CNNM2: variants seen among roughly 807,000 people sequenced by gnomAD.
CNNM2 encodes metal transporter CNNM2.
A neutral mutation model predicts 66.9 loss-of-function variants in CNNM2; 12 were observed. The ratio of observed to expected loss-of-function variants is 0.18; its 90% CI spans 0.11 to 0.29. The LOEUF (loss-of-function observed/expected upper bound fraction) is 0.29. Among genes scored for constraint, CNNM2 ranks in the 10% least tolerant of loss-of-function variants. CNNM2 has a pLI of 1.00. For synonymous variants in CNNM2, 557 were observed against 501.8 expected (o/e 1.11, Z -1.47); for missense variants, 705 against 1,167.7 (o/e 0.60, Z 5.77).
chr10:103,089,568 A>G lies in CNNM2; in HGVS notation c.*12388A>G. 18 of 1,426,592 alleles carry G rather than the reference A, an allele frequency of 1.3e-5. No homozygotes were observed. Among genetic ancestry groups the G allele is most frequent in the Non-Finnish European group, 1.7e-5 (18 of 1,088,296 alleles). 88.4% of individuals were successfully genotyped at this position (1,426,592 alleles called of 1,614,324 possible). On this transcript the variant is annotated 3_prime_UTR_variant, in exon 8 of 8. Coordinates refer to ENST00000369878, the MANE Select transcript of CNNM2 (RefSeq NM_017649.5). ...AACTTTTCAGACGTACCTTTCATGG[A>G]GCCCCCTCCCTCCCCCGAGTAGAAC...
intron 1 of CNNM2, among the ~76,000 whole-genome samples, chr10:102,971,233 A>G (rs2063542204): frequency 6.8e-6 from 1 of 146,540 alleles, no homozygotes; most frequent in Admixed American, 6.8e-5. Context: ...ATGGTGACTT[A>G]GAGACCTCGT....
In CNNM2 at chr10:102,919,101, C is replaced by T. The variant is rs767302259; in HGVS notation, c.621C>T (p.Ser207=). 58 of 1,611,204 alleles carry T rather than the reference C, an allele frequency of 3.6e-5. No individual in the cohort carries two copies. In the Middle Eastern group the frequency reaches 2.5e-3, roughly 69 times the overall value. The change falls in exon 1 of 8, where the codon TCC becomes TCT. Residue 207 remains serine, a synonymous_variant. Coordinates refer to ENST00000369878, the MANE Select transcript of CNNM2 (RefSeq NM_017649.5). The part of the protein sequence containing the change: ...TPALGAGGSG[S]TGGAVGGKGG... The stretch of plus-strand genomic sequence containing the variant: ...CCCTGGGCGCCGGCGGCTCGGGGTC[C>T]ACGGGTGGCGCCGTCGGGGGCAAGG...
chr10:103,007,775 T>C (rs1262181130), intron 1 of CNNM2, among the ~76,000 whole-genome samples: 1 of 152,172 alleles, frequency 6.6e-6, no homozygotes, highest in Non-Finnish European at 1.5e-5. Context: ...TGTTTTACAA[T>C]CAGTTTGTAC....
intron 1 of CNNM2, among the ~76,000 whole-genome samples, chr10:102,991,311 T>C (rs772482816): frequency 9.2e-5 from 14 of 152,176 alleles, no homozygotes; most frequent in Non-Finnish European, 1.8e-4. Flanking sequence ...TTTGAAATGG[T>C]GTGCCCCTTC....
At chr10:102,935,021 T>C (rs1303001986) in intron 1 of CNNM2, among the ~76,000 whole-genome samples, 1 of 151,732 alleles carries the variant, frequency 6.6e-6, no homozygotes, top group East Asian at 1.9e-4. Flanking sequence ...TAGCTGGGCA[T>C]GGTGGCGGGC....
intron 1 of CNNM2, among the ~76,000 whole-genome samples, chr10:103,014,906 AT>A (rs1324985601): frequency 4.0e-5 from 6 of 151,562 alleles, no homozygotes; most frequent in African/African-American, 1.5e-4. Context: ...AAAAAAAAAA[AT>A]TATAAACTTG....
intron 1 of CNNM2, among the ~76,000 whole-genome samples, chr10:103,019,013 A>G (rs1318559546): frequency 6.7e-6 from 1 of 149,872 alleles, no homozygotes; most frequent in Non-Finnish European, 1.5e-5. Flanking sequence ...CACGCCTGTA[A>G]TCCCAGCACT....
intron 1 of CNNM2, among the ~76,000 whole-genome samples, chr10:102,956,396 G>A (rs934453135): frequency 1.3e-5 from 2 of 151,626 alleles, no homozygotes; most frequent in African/African-American, 4.8e-5. Flanking sequence ...TTCAACTATT[G>A]TGGAAGACAG....
chr10:102,997,240 C>T (rs2064020173), intron 1 of CNNM2, among the ~76,000 whole-genome samples: 1 of 152,164 alleles, frequency 6.6e-6, no homozygotes, highest in South Asian at 2.1e-4. Context: ...TGCAAGCATC[C>T]AGTCTTAATA....
rs544909945 is a variant in CNNM2, at chr10:102,928,413, T to C, written c.1621+8312T>C. ...CTGGCCAACATGATGAAACCCTGTC[T>C]CTACTAAAAACACAAAAAATTAGCC... is the stretch of plus-strand genomic sequence containing the variant. On this transcript the variant is annotated intron_variant, in intron 1 of 7. Coordinates refer to ENST00000369878, the MANE Select transcript of CNNM2 (RefSeq NM_017649.5). 8.2e-4 allele frequency among the ~76,000 whole-genome samples: 125 copies of C among 151,920 alleles called. 3 individuals are homozygous for C. The highest frequency in any genetic ancestry group is 1.6e-3 in the Non-Finnish European group (110 of 67,934).
At chr10:102,995,034 G>T (rs2063964291) in intron 1 of CNNM2, among the ~76,000 whole-genome samples, 1 of 151,748 alleles carries the variant, frequency 6.6e-6, no homozygotes. Flanking sequence ...TATATTATGG[G>T]TGTAGATCTC....
At chr10:103,022,152 G>A (rs941473011) in intron 1 of CNNM2, among the ~76,000 whole-genome samples, 1 of 152,196 alleles carries the variant, frequency 6.6e-6, no homozygotes, top group Non-Finnish European at 1.5e-5. Context: ...CGTCAGCTGG[G>A]CGTGCTGATT....
rs77827514 is a variant in CNNM2, at chr10:103,062,252, C to T, written c.2073+5288C>T. On this transcript the variant is annotated intron_variant, in intron 4 of 7. Transcript: ENST00000369878. ...TTCAAAAGGGACTTTTCCCTATAAA[C>T]GGGGGTCGTCTTGTGGAGTATGGCA... Among the ~76,000 whole-genome samples the T allele has an allele frequency of 0.1, 15,879 of 152,136 alleles. 848 individuals carry two copies. Among genetic ancestry groups the T allele is most frequent in the Middle Eastern group, 0.17 (50 of 292 alleles).
intron 6 of CNNM2, among the ~76,000 whole-genome samples, chr10:103,074,279 A>G (rs2065651970): frequency 6.6e-6 from 1 of 151,900 alleles, no homozygotes; most frequent in Admixed American, 6.5e-5. Context: ...CGAGAGGGAG[A>G]CTGTCTCAAA....
chr10:102,924,579 C>G (rs1320320210), intron 1 of CNNM2, among the ~76,000 whole-genome samples: 1 of 151,586 alleles, frequency 6.6e-6, no homozygotes, highest in African/African-American at 2.4e-5. Flanking sequence ...ACATTTTTTT[C>G]TCACCAAATT....
At chr10:102,975,488 A>AC (rs1554894113) in intron 1 of CNNM2, among the ~76,000 whole-genome samples, 1 of 151,220 alleles carries the variant, frequency 6.6e-6, no homozygotes, top group Middle Eastern at 3.2e-3. Flanking sequence ...AAAAAAAAAA[A>AC]CAAACCTCCA....
At chr10:103,008,358 C>A (rs1213992544) in intron 1 of CNNM2, among the ~76,000 whole-genome samples, 1 of 152,192 alleles carries the variant, frequency 6.6e-6, no homozygotes, top group Non-Finnish European at 1.5e-5. Flanking sequence ...CAAGTGCAGG[C>A]CCTTCCAAAC....
At position 102,919,800 on chromosome 10, in the gene CNNM2, G is replaced by A; in HGVS notation, c.1320G>A (p.Glu440=). 3 of 1,614,222 alleles carry A rather than the reference G, an allele frequency of 1.9e-6. No individual in the cohort carries two copies. The highest frequency in any genetic ancestry group is 2.5e-6 in the Non-Finnish European group (3 of 1,180,024). ...TGAACATCATCCAAGGGGCGCTGGAGCTCCGCACCAAGACGGTGGAGGACG... is the reference window on the plus strand; with the variant it reads ...TGAACATCATCCAAGGGGCGCTGGAACTCCGCACCAAGACGGTGGAGGACG... ...EELNIIQGAL[E]LRTKTVEDVM... The change falls in exon 1 of 8, where the codon GAG becomes GAA. Residue 440 remains glutamate, a synonymous_variant. Coordinates refer to ENST00000369878, the MANE Select transcript of CNNM2 (RefSeq NM_017649.5).
At chr10:103,057,026 A>T (rs1254563282) in intron 4 of CNNM2, 62 bp downstream of exon 4, 1 of 1,529,778 alleles carries the variant, frequency 6.5e-7, no homozygotes, top group Non-Finnish European at 8.9e-7. Context: ...AGTTTGGTGT[A>T]AGTGAATGGG....
Sources: allele counts gnomAD v4.1 joint callset (sites outside exome capture counted in the v4.1 genomes callset), GRCh38; gene constraint gnomAD v4.1.1; transcripts MANE v1.5; gene names NCBI Gene and HGNC (gene_info 2026-07-23, HGNC 2026-07-21).